Variants in LATS2 observed in about 807,000 individuals in gnomAD.
The protein encoded by LATS2 is large tumor suppressor kinase 2, also known as serine/threonine-protein kinase LATS2.
Under a neutral mutation model 76.0 loss-of-function variants are expected in LATS2, and 24 were observed. The ratio of observed to expected loss-of-function variants is 0.32; its 90% CI spans 0.23 to 0.44. LATS2 has a LOEUF of 0.44. Among genes scored for constraint, LATS2 ranks in the 20% least tolerant of loss-of-function variants. LATS2 has a pLI of 1.00. For missense variants in LATS2, 1,286 were observed against 1,481.2 expected, an observed-to-expected ratio of 0.87 and a Z score of 2.16; for synonymous variants, 692 against 635.4, an observed-to-expected ratio of 1.09 and a Z score of -1.34.
intron 2 of LATS2, among the ~76,000 whole-genome samples, chr13:20,995,186 G>T (rs1251183365): frequency 2.0e-5 from 3 of 151,826 alleles, no homozygotes; most frequent in Non-Finnish European, 2.9e-5. Context: ...GTTCACAAAG[G>T]TATCTTATGT....
chr13:21,052,383 C>T (rs1451826665), intron 1 of LATS2, among the ~76,000 whole-genome samples: 1 of 152,146 alleles, frequency 6.6e-6, no homozygotes, highest in Non-Finnish European at 1.5e-5. Flanking sequence ...GAGAGTCTCA[C>T]TCTGTCACCT....
chr13:20,983,843 T>C (rs1208250746), intron 4 of LATS2, 37 bp from the exon 5 acceptor site: 1 of 1,511,488 alleles, frequency 6.6e-7, no homozygotes, highest in Admixed American at 1.8e-5. Context: ...AGAATCACAT[T>C]AGAGAAGTCC....
chr13:21,010,574 C>T lies in LATS2; in HGVS notation c.343-19170G>A, dbSNP rs367900258. 1.7e-4 allele frequency among the ~76,000 whole-genome samples: 26 copies of T among 152,258 alleles called. 1 individual carries two copies. The East Asian group carries it at 3.3e-3, about 19-fold the overall frequency. On this transcript the variant is annotated intron_variant, in intron 2 of 7. Coordinates refer to ENST00000382592, the MANE Select transcript of LATS2 (RefSeq NM_014572.3). ...AGTGCAAATAACATGACTGTGTTTT[C>T]ATAAAATTACATCAGTAAAAAAAGC...
chr13:21,029,862 C>A (rs1232130922), intron 2 of LATS2, among the ~76,000 whole-genome samples: 1 of 151,800 alleles, frequency 6.6e-6, no homozygotes, highest in Non-Finnish European at 1.5e-5. Flanking sequence ...TTTGGGAAGC[C>A]AGGGTGGGTG....
chr13:21,018,491 C>G (rs1050809611), intron 2 of LATS2, among the ~76,000 whole-genome samples: 3 of 152,254 alleles, frequency 2.0e-5, no homozygotes, highest in Non-Finnish European at 4.4e-5. Context: ...CTGGGTCCAC[C>G]TGGCCTTTGA....
chr13:21,048,609 A>T (rs1382605816), intron 1 of LATS2, among the ~76,000 whole-genome samples: 1 of 152,098 alleles, frequency 6.6e-6, no homozygotes, highest in Non-Finnish European at 1.5e-5. Context: ...AGGCGGGCGG[A>T]TCATCTGAGG....
At chr13:21,005,919 G>A (rs1871248305) in intron 2 of LATS2, among the ~76,000 whole-genome samples, 1 of 151,992 alleles carries the variant, frequency 6.6e-6, no homozygotes, top group African/African-American at 2.4e-5. Flanking sequence ...TTCAAGACCA[G>A]CCTGACTGAC....
chr13:21,037,176 A>T (rs534915836), intron 2 of LATS2, among the ~76,000 whole-genome samples: 1 of 152,212 alleles, frequency 6.6e-6, no homozygotes, highest in Non-Finnish European at 1.5e-5. Flanking sequence ...AGGCCAAGGC[A>T]TGTGGATCAC....
At chr13:21,029,927 C>T (rs1023431463) in intron 2 of LATS2, among the ~76,000 whole-genome samples, 8 of 151,888 alleles carry the variant, frequency 5.3e-5, no homozygotes, top group Non-Finnish European at 7.4e-5. Flanking sequence ...GGTTCAAGAC[C>T]AGCCTGGCCA....
intron 2 of LATS2, among the ~76,000 whole-genome samples, chr13:21,027,051 C>A (rs1438621506): frequency 6.6e-6 from 1 of 152,084 alleles, no homozygotes; most frequent in Non-Finnish European, 1.5e-5. Context: ...AAATCTTTTG[C>A]CCATTTTTAA....
intron 6 of LATS2, among the ~76,000 whole-genome samples, chr13:20,980,174 G>A (rs548068453): frequency 4.3e-4 from 66 of 152,172 alleles, no homozygotes; most frequent in Non-Finnish European, 7.9e-4. Context: ...GAATAGTCAG[G>A]TGAGGGTCAA....
chr13:20,982,992 C>CAAAAAAAAAAA (rs67372854), intron 5 of LATS2, among the ~76,000 whole-genome samples: 4 of 87,202 alleles, frequency 4.6e-5, no homozygotes, highest in Non-Finnish European at 6.3e-5. Flanking sequence ...AACTCTGTCT[C>CAAAAAAAAAAA]AAAAAAAAAA....
intron 2 of LATS2, among the ~76,000 whole-genome samples, chr13:21,013,152 C>G (rs572339824): frequency 1.3e-5 from 2 of 152,240 alleles, no homozygotes; most frequent in Admixed American, 6.5e-5. Context: ...GGGGTAGGTT[C>G]TTGTATATGA....
At chr13:20,977,092 C>T (rs991741773) in intron 7 of LATS2, among the ~76,000 whole-genome samples, 10 of 152,100 alleles carry the variant, frequency 6.6e-5, no homozygotes, top group African/African-American at 2.2e-4. Context: ...TACTGCATGA[C>T]TCCACTTACA....
At chr13:20,998,748 AGGCGG>A (rs974935780) in intron 2 of LATS2, among the ~76,000 whole-genome samples, 2 of 152,096 alleles carry the variant, frequency 1.3e-5, no homozygotes, top group African/African-American at 2.4e-5. Flanking sequence ...ATGCGGGGCG[AGGCGG>A]GGCGGGGCCC....
At chr13:21,007,903 A>G (rs1259853127) in intron 2 of LATS2, among the ~76,000 whole-genome samples, 1 of 146,452 alleles carries the variant, frequency 6.8e-6, no homozygotes, top group Admixed American at 6.9e-5. Flanking sequence ...GGAATTACAG[A>G]TGCGAATCAT....
rs1361068093 is a variant in LATS2 at position 20,988,866 on chromosome 13, G to A, written c.914C>T (p.Pro305Leu). The change falls in exon 4 of 8, where the codon CCA (proline) becomes CTA (leucine). Residue 305 changes from proline to leucine, a missense_variant. Pro to Leu is a moderately conservative substitution (Grantham distance 98). Around this residue, in one of 5 missense-constraint regions of LATS2, gnomAD observed 710 missense variants for 660.9 expected, o/e 1.07. Coordinates refer to ENST00000382592, the MANE Select transcript of LATS2 (RefSeq NM_014572.3). ...GGPPGAGLAF[P>L]PPAAGLYVPH... ...CACGTAGAGCCCGGCGGCAGGGGGT[G>A]GGAAAGCGAGGCCGGCGCCTGGCGG... 8 of 1,577,036 alleles carry A rather than the reference G, an allele frequency of 5.1e-6. No homozygotes were observed. The Admixed American group carries it at 1.2e-4, about 25-fold the overall frequency.
chr13:21,012,676 G>A (rs1209727), intron 2 of LATS2, among the ~76,000 whole-genome samples: 4 of 152,046 alleles, frequency 2.6e-5, no homozygotes, highest in Non-Finnish European at 5.9e-5. Context: ...TGGTATAAGC[G>A]CTTTGCAGAT....
At chr13:21,057,729 G>A (rs544164532) in intron 1 of LATS2, among the ~76,000 whole-genome samples, 2 of 152,172 alleles carry the variant, frequency 1.3e-5, no homozygotes, top group Non-Finnish European at 2.9e-5. Context: ...GAACCCAGGA[G>A]GAGGAGCTTG....
Sources: allele counts gnomAD v4.1 joint callset (sites outside exome capture counted in the v4.1 genomes callset), GRCh38; gene constraint gnomAD v4.1.1; regional missense constraint gnomAD v4.1.1; transcripts MANE v1.5; gene names NCBI Gene and HGNC (gene_info 2026-07-23, HGNC 2026-07-21).